Variants in PMFBP1 observed in about 807,000 individuals in gnomAD.
PMFBP1 encodes the protein polyamine modulated factor 1 binding protein 1, also known as polyamine-modulated factor 1-binding protein 1.
Under a neutral mutation model 137.8 loss-of-function variants are expected in PMFBP1, and 131 were observed. The observed-to-expected ratio is 0.95, with a 90% CI of 0.82 to 1.10. The LOEUF is 1.10. PMFBP1 is among the 50% of genes least tolerant of loss of function. The pLI is 0.00. For synonymous variants in PMFBP1, 490 were observed against 450.4 expected, an observed-to-expected ratio of 1.09 and a Z score of -1.11; for missense variants, 1,199 against 1,175.4, an observed-to-expected ratio of 1.02 and a Z score of -0.29.
At chr16:72,186,942 A>G in the PMFBP1 span, among the ~76,000 whole-genome samples, 6 of 151,824 alleles carry the variant, frequency 4.0e-5, no homozygotes, top group Admixed American at 1.3e-4. Flanking sequence ...GCAAAACCCC[A>G]TCTCTACTAA....
At chr16:72,116,907 T>C (rs141835847), downstream of PMFBP1, among the ~76,000 whole-genome samples, 22 of 152,272 alleles carry the variant, frequency 1.4e-4, 1 homozygote, top group African/African-American at 5.3e-4. Context: ...TTTTGATTAC[T>C]GTAGGTTTGT....
the PMFBP1 span, among the ~76,000 whole-genome samples, chr16:72,215,827 G>C: frequency 6.8e-3 from 1,035 of 152,320 alleles, 8 homozygotes; most frequent in Non-Finnish European, 7.0e-3. Context: ...AATCCTAATA[G>C]GGAAGATGGG....
At chr16:72,220,812 C>T in the PMFBP1 span, among the ~76,000 whole-genome samples, 5 of 152,148 alleles carry the variant, frequency 3.3e-5, no homozygotes, top group African/African-American at 1.2e-4. Context: ...GAACAAATGG[C>T]CAGATGGTAA....
At chr16:72,182,293 C>A in the PMFBP1 span, among the ~76,000 whole-genome samples, 4 of 152,074 alleles carry the variant, frequency 2.6e-5, no homozygotes, top group Non-Finnish European at 5.9e-5. Flanking sequence ...CTCACAAGTT[C>A]AAGACCAGCC....
chr16:72,211,188 C>A, the PMFBP1 span, among the ~76,000 whole-genome samples: 1 of 152,168 alleles, frequency 6.6e-6, no homozygotes, highest in African/African-American at 2.4e-5. Context: ...AGACTTGGAG[C>A]TTGGGGGCTT....
the PMFBP1 span, among the ~76,000 whole-genome samples, chr16:72,214,426 C>G: frequency 6.6e-6 from 1 of 152,212 alleles, no homozygotes; most frequent in African/African-American, 2.4e-5. Context: ...CCACCCGCCT[C>G]AGCTTCCCAA....
chr16:72,182,895 AC>A, the PMFBP1 span, among the ~76,000 whole-genome samples: 2 of 152,122 alleles, frequency 1.3e-5, no homozygotes, highest in African/African-American at 4.8e-5. Flanking sequence ...AGCTGCATCA[AC>A]CAGCTCTCTT....
At chr16:72,144,688 A>G (rs1459075662) in intron 5 of PMFBP1, among the ~76,000 whole-genome samples, 1 of 152,248 alleles carries the variant, frequency 6.6e-6, no homozygotes, top group African/African-American at 2.4e-5. Context: ...ATAAACTTTT[A>G]TAATCCTGAA....
At chr16:72,162,020 G>T (rs906798238) in intron 3 of PMFBP1, among the ~76,000 whole-genome samples, 2 of 152,170 alleles carry the variant, frequency 1.3e-5, no homozygotes, top group African/African-American at 4.8e-5. Flanking sequence ...GAATATCAGG[G>T]CATGCACCCT....
chr16:72,135,944 G>A (rs1467222922), intron 9 of PMFBP1, among the ~76,000 whole-genome samples: 4 of 151,044 alleles, frequency 2.6e-5, no homozygotes, highest in African/African-American at 9.7e-5. Flanking sequence ...TTGTAGAGAC[G>A]GGGTTTCATC....
intron 16 of PMFBP1, 30 bp from the exon 17 acceptor site, chr16:72,124,964 A>C: frequency 6.2e-7 from 1 of 1,605,558 alleles, no homozygotes; most frequent in Non-Finnish European, 8.5e-7. Context: ...GAGGAGGGGG[A>C]CTCCAGCTGG....
chr16:72,211,083 T>G, the PMFBP1 span, among the ~76,000 whole-genome samples: 2 of 152,212 alleles, frequency 1.3e-5, no homozygotes, highest in African/African-American at 4.8e-5. Context: ...AAAGAGATTC[T>G]ACAATGCACT....
chr16:72,185,017 G>T, the PMFBP1 span, among the ~76,000 whole-genome samples: 1 of 150,848 alleles, frequency 6.6e-6, no homozygotes, highest in Non-Finnish European at 1.5e-5. Flanking sequence ...CTTCATCTGT[G>T]TCCTGTTTTC....
At chr16:72,244,850 G>C in the PMFBP1 span, among the ~76,000 whole-genome samples, 1 of 152,212 alleles carries the variant, frequency 6.6e-6, no homozygotes, top group East Asian at 1.9e-4. Flanking sequence ...AAGAATGGAA[G>C]GGGTTAAAAA....
intron 16 of PMFBP1, 37 bp from the exon 17 acceptor site, chr16:72,124,971 C>A (rs2042432169): frequency 6.2e-7 from 1 of 1,603,556 alleles, no homozygotes; most frequent in Non-Finnish European, 8.5e-7. Context: ...GGGACTCCAG[C>A]TGGCCTCCCT....
chr16:72,216,209 C>T, the PMFBP1 span, among the ~76,000 whole-genome samples: 3 of 152,296 alleles, frequency 2.0e-5, no homozygotes, highest in South Asian at 6.2e-4. Context: ...TGGAAGAATC[C>T]TCTATCCCAG....
upstream of PMFBP1, among the ~76,000 whole-genome samples, chr16:72,173,578 C>T (rs905833858): frequency 2.0e-5 from 3 of 152,186 alleles, no homozygotes; most frequent in African/African-American, 7.2e-5. Flanking sequence ...GAGTTTGTTC[C>T]ATGAAGGAGA....
At chr16:72,208,439 A>G in the PMFBP1 span, among the ~76,000 whole-genome samples, 1 of 152,250 alleles carries the variant, frequency 6.6e-6, no homozygotes, top group African/African-American at 2.4e-5. Flanking sequence ...CCATGTAGAC[A>G]TTTGTTCTGT....
intron 20 of PMFBP1, chr16:72,119,582 A>G (rs2042345589): frequency 1.7e-5 from 24 of 1,445,096 alleles, no homozygotes; most frequent in Non-Finnish European, 2.0e-5. Flanking sequence ...TGCCTCTTCT[A>G]CCTGTTCCCT....
Sources: gnomAD v4.1 joint callset for allele counts (sites outside exome capture counted in the v4.1 genomes callset) on GRCh38, gnomAD v4.1.1 for gene constraint, MANE v1.5 for transcripts, NCBI Gene and HGNC (gene_info 2026-07-23, HGNC 2026-07-21) for gene names.